CSMD1: variants seen among roughly 807,000 people sequenced by gnomAD.
The protein encoded by CSMD1 is CUB and sushi domain-containing protein 1.
CSMD1 carries 213 observed loss-of-function variants against 417.5 expected under a neutral mutation model. That is an observed-to-expected ratio of 0.51 (90% CI 0.46 to 0.57). The LOEUF is 0.57. Among genes scored for constraint, CSMD1 ranks in the 20% least tolerant of loss-of-function variants. CSMD1 has a pLI of 0.00. For missense variants in CSMD1, 6,923 were observed against 4,529.7 expected (o/e 1.53, Z -15.17); for synonymous variants, 2,862 against 1,736.8 (o/e 1.65, Z -16.11).
At chr8:3,294,277 C>A (rs917713795) in intron 25 of CSMD1, among the ~76,000 whole-genome samples, 1 of 152,126 alleles carries the variant, frequency 6.6e-6, no homozygotes, top group African/African-American at 2.4e-5. Flanking sequence ...GTCAGGGACC[C>A]CCTTGAGGAG....
intron 18 of CSMD1, among the ~76,000 whole-genome samples, chr8:3,373,952 A>ATT (rs34432095): frequency 1.7e-4 from 21 of 125,552 alleles, no homozygotes; most frequent in African/African-American, 5.2e-4. Flanking sequence ...GCATCCAACT[A>ATT]TTTTTTTTTT....
rs114479639 is a variant in CSMD1 at position 3,940,694 on chromosome 8, G to T, written c.818+57209C>A. Reference sequence around the variant, plus strand: ...CAAATTTCTATAACATACCTACATTGCTTTTTATAATACAAATTTCATACT... The same window carrying T: ...CAAATTTCTATAACATACCTACATTTCTTTTTATAATACAAATTTCATACT... On this transcript the variant is annotated intron_variant, in intron 5 of 69. Coordinates refer to ENST00000635120, the MANE Select transcript of CSMD1 (RefSeq NM_033225.6). 8.6e-4 allele frequency among the ~76,000 whole-genome samples: 130 copies of T among 151,498 alleles called. 1 individual carries two copies. Among genetic ancestry groups the T allele is most frequent in the African/African-American group, 3.1e-3 (130 of 41,342 alleles).
intron 2 of CSMD1, among the ~76,000 whole-genome samples, chr8:4,614,218 A>T (rs979225740): frequency 6.6e-6 from 1 of 152,238 alleles, no homozygotes; most frequent in Non-Finnish European, 1.5e-5. Flanking sequence ...CCAGCAAAGC[A>T]AACTGCATAT....
chr8:3,957,641 G>A (rs1411648508), intron 5 of CSMD1, among the ~76,000 whole-genome samples: 1 of 152,022 alleles, frequency 6.6e-6, no homozygotes, highest in East Asian at 1.9e-4. Context: ...CTATAGTCAT[G>A]CCACTGCACT....
chr8:4,880,106 T>G (rs971590437), intron 1 of CSMD1, among the ~76,000 whole-genome samples: 4 of 152,116 alleles, frequency 2.6e-5, no homozygotes, highest in African/African-American at 9.7e-5. Flanking sequence ...TCTTATTATT[T>G]CGGTCTAAGA....
chr8:3,195,669 G>C (rs1180005529), intron 33 of CSMD1, among the ~76,000 whole-genome samples: 1 of 152,164 alleles, frequency 6.6e-6, no homozygotes, highest in Non-Finnish European at 1.5e-5. Context: ...AGGGAATTTA[G>C]GGAGAAGAGG....
At chr8:3,159,937 G>A (rs1305820293) in intron 38 of CSMD1, among the ~76,000 whole-genome samples, 1 of 152,176 alleles carries the variant, frequency 6.6e-6, no homozygotes, top group African/African-American at 2.4e-5. Context: ...GTAGAAAGAA[G>A]AGGAACATCG....
At chr8:4,882,646 T>C (rs1803487927) in intron 1 of CSMD1, among the ~76,000 whole-genome samples, 1 of 152,014 alleles carries the variant, frequency 6.6e-6, no homozygotes, top group African/African-American at 2.4e-5. Flanking sequence ...CCATGCTCTG[T>C]GTACAACGTT....
At chr8:4,092,442 A>G (rs1455862383) in intron 3 of CSMD1, among the ~76,000 whole-genome samples, 6 of 152,196 alleles carry the variant, frequency 3.9e-5, no homozygotes, top group African/African-American at 1.4e-4. Flanking sequence ...CTATATTATG[A>G]CCATATTATG....
intron 2 of CSMD1, among the ~76,000 whole-genome samples, chr8:4,440,909 A>C (rs959576714): frequency 6.6e-6 from 1 of 151,654 alleles, no homozygotes. Context: ...AGGCATGAGA[A>C]TCACTTGAAC....
At chr8:3,741,000 A>G (rs1036721769) in intron 6 of CSMD1, among the ~76,000 whole-genome samples, 2 of 152,060 alleles carry the variant, frequency 1.3e-5, no homozygotes, top group African/African-American at 4.8e-5. Flanking sequence ...GGATCACCTC[A>G]GGTCAGGATT....
rs868707387 is a variant in CSMD1, at chr8:3,866,259, C to A, written c.819-112217G>T. ...AGATTTTGAATACCATTTGTAATTACCTATAAACAACATTTTTAAATAAAT... is the reference window on the plus strand; with the variant it reads ...AGATTTTGAATACCATTTGTAATTAACTATAAACAACATTTTTAAATAAAT... On this transcript the variant is annotated intron_variant, in intron 5 of 69. Coordinates refer to ENST00000635120, the MANE Select transcript of CSMD1 (RefSeq NM_033225.6). Among the ~76,000 whole-genome samples the A allele has an allele frequency of 2.0e-5, 3 of 152,112 alleles. No homozygotes were observed. In the South Asian group the frequency reaches 6.2e-4, roughly 32 times the overall value.
chr8:3,833,104 A>G (rs1397381722), intron 5 of CSMD1, among the ~76,000 whole-genome samples: 3 of 152,276 alleles, frequency 2.0e-5, no homozygotes, highest in Non-Finnish European at 2.9e-5. Flanking sequence ...TTTCAAAAAC[A>G]ACTTCCCACT....
At chr8:3,721,137 C>T (rs1166816037) in intron 6 of CSMD1, among the ~76,000 whole-genome samples, 1 of 152,112 alleles carries the variant, frequency 6.6e-6, no homozygotes, top group Non-Finnish European at 1.5e-5. Flanking sequence ...GCGACTTTTG[C>T]ATAATGGGAA....
At chr8:3,384,625 T>C (rs1422361526) in intron 18 of CSMD1, among the ~76,000 whole-genome samples, 1 of 144,604 alleles carries the variant, frequency 6.9e-6, no homozygotes, top group Non-Finnish European at 1.5e-5. Context: ...TATTTGCAAA[T>C]TGCTATTTAT....
chr8:4,067,536 T>C lies in CSMD1; in HGVS notation c.416-35437A>G, dbSNP rs554999366. On this transcript the variant is annotated intron_variant, in intron 3 of 69. Transcript: ENST00000635120. ...ATGCATTTAACTTAATTTTGTTGTA[T>C]AGCTTTACATGTACCTAAAGCCAGA... 5.3e-5 allele frequency among the ~76,000 whole-genome samples: 8 copies of C among 152,306 alleles called. No homozygotes were observed. The East Asian group carries it at 7.7e-4, about 15-fold the overall frequency.
chr8:3,831,217 A>T (rs1029491769), intron 5 of CSMD1, among the ~76,000 whole-genome samples: 1 of 152,196 alleles, frequency 6.6e-6, no homozygotes, highest in South Asian at 2.1e-4. Context: ...AAGCATGTGG[A>T]AAGTTAAATA....
intron 5 of CSMD1, among the ~76,000 whole-genome samples, chr8:3,996,031 T>C (rs1204356885): frequency 6.6e-6 from 1 of 152,206 alleles, no homozygotes; most frequent in African/African-American, 2.4e-5. Context: ...TGATCAATTG[T>C]TGCCATAAAG....
intron 3 of CSMD1, among the ~76,000 whole-genome samples, chr8:4,120,487 A>G (rs1366198839): frequency 1.3e-5 from 2 of 152,166 alleles, no homozygotes; most frequent in African/African-American, 2.4e-5. Context: ...ATGCTAGAAG[A>G]AGAACCAGGA....
Sources: allele counts gnomAD v4.1 joint callset (sites outside exome capture counted in the v4.1 genomes callset), GRCh38; gene constraint gnomAD v4.1.1; transcripts MANE v1.5; gene names NCBI Gene and HGNC (gene_info 2026-07-23, HGNC 2026-07-21).